Variants in EIF2B3 observed in about 807,000 individuals in gnomAD.
The protein encoded by EIF2B3 is eukaryotic translation initiation factor 2B subunit gamma.
Under a neutral mutation model 54.1 loss-of-function variants are expected in EIF2B3, and 20 were observed. The observed-to-expected ratio is 0.37, with a 90% CI of 0.26 to 0.54. The LOEUF (loss-of-function observed/expected upper bound fraction) is 0.54. EIF2B3 is among the 20% of genes least tolerant of loss of function. The probability of loss-of-function intolerance (pLI) is 0.86; values close to 1 mark genes in which losing one functional copy is unlikely to be tolerated. For synonymous variants in EIF2B3, 153 were observed against 188.1 expected, an observed-to-expected ratio of 0.81 and a Z score of 1.52; for missense variants, 448 against 547.8, an observed-to-expected ratio of 0.82 and a Z score of 1.82.
chr1:44,921,083 T>C (rs568521516), intron 5 of EIF2B3, among the ~76,000 whole-genome samples: 14 of 152,338 alleles, frequency 9.2e-5, no homozygotes, highest in African/African-American at 3.1e-4. Flanking sequence ...TAAAAGGCAT[T>C]TTACCTAAGG....
At chr1:44,887,989 A>G (rs1159621179) in intron 6 of EIF2B3, among the ~76,000 whole-genome samples, 1 of 152,226 alleles carries the variant, frequency 6.6e-6, no homozygotes, top group Non-Finnish European at 1.5e-5. Flanking sequence ...TTACTATCTG[A>G]CCCAAAAGAA....
Position 44,985,392 on chromosome 1 carries a change from T to C in EIF2B3, c.-10+1101A>G, listed in dbSNP as rs1020717980. Among the ~76,000 whole-genome samples, 3 of 80,312 alleles carry C rather than the reference T, an allele frequency of 3.7e-5. No individual in the cohort carries two copies. In the Admixed American group the frequency reaches 4.0e-4, roughly 11 times the overall value. 52.7% of individuals were successfully genotyped at this position (80,312 alleles called of 152,430 possible). A position where few individuals can be genotyped will look rare whatever the true frequency, so the allele number is the denominator to read the frequency against. On this transcript the variant is annotated intron_variant, in intron 1 of 11. Transcript: ENST00000360403. ...TGCTTCCATTCTGCCATGTGCAGAT[T>C]CTCTTAGCCTTTACGGGTTTCATTG...
At chr1:44,939,288 T>C (rs1012202582) in intron 4 of EIF2B3, among the ~76,000 whole-genome samples, 2 of 152,112 alleles carry the variant, frequency 1.3e-5, no homozygotes, top group African/African-American at 4.8e-5. Flanking sequence ...CTGCCTCCTA[T>C]ATTCACACTC....
chr1:44,984,795 A>AT (rs1557718636), intron 1 of EIF2B3, among the ~76,000 whole-genome samples: 1 of 80,470 alleles, frequency 1.2e-5, no homozygotes, highest in East Asian at 9.4e-4. Flanking sequence ...AATAATGTCC[A>AT]TCTTTTTTTT....
chr1:44,950,247 A>G (rs182961561), intron 3 of EIF2B3, among the ~76,000 whole-genome samples: 2 of 152,164 alleles, frequency 1.3e-5, no homozygotes, highest in Admixed American at 1.3e-4. Flanking sequence ...ACATAGCGAG[A>G]CCTTATCTCT....
chr1:44,959,231 C>A, intron 3 of EIF2B3: 3 of 697,566 alleles, frequency 4.3e-6, no homozygotes, highest in Non-Finnish European at 8.0e-6. Flanking sequence ...CTGTTTAAAT[C>A]AGGGTGATGG....
intron 3 of EIF2B3, among the ~76,000 whole-genome samples, chr1:44,967,425 C>T (rs539285257): frequency 1.3e-4 from 19 of 142,406 alleles, no homozygotes; most frequent in African/African-American, 4.8e-4. Context: ...CCAGCGTGGG[C>T]AACAGAGCGA....
chr1:44,912,763 C>T (rs1217172341), intron 5 of EIF2B3, among the ~76,000 whole-genome samples: 2 of 152,122 alleles, frequency 1.3e-5, no homozygotes, highest in East Asian at 3.8e-4. Context: ...ATCTGATATC[C>T]CTTGCTATTG....
intron 5 of EIF2B3, among the ~76,000 whole-genome samples, chr1:44,918,954 T>A (rs1643682244): frequency 6.6e-6 from 1 of 152,234 alleles, no homozygotes; most frequent in Admixed American, 6.5e-5. Flanking sequence ...TTTTATTCCC[T>A]CATGCTTCCA....
At chr1:44,956,203 T>C (rs1644223083) in intron 3 of EIF2B3, among the ~76,000 whole-genome samples, 1 of 152,218 alleles carries the variant, frequency 6.6e-6, no homozygotes, top group African/African-American at 2.4e-5. Context: ...GATGAGTTCA[T>C]GTCCTTTGCA....
intron 3 of EIF2B3, among the ~76,000 whole-genome samples, chr1:44,978,092 A>G (rs892367581): frequency 6.6e-6 from 1 of 152,150 alleles, no homozygotes. Flanking sequence ...TTAGCCAGGC[A>G]CGGTGGCGTA....
At chr1:44,927,779 T>G (rs536195903) in intron 4 of EIF2B3, among the ~76,000 whole-genome samples, 1 of 152,196 alleles carries the variant, frequency 6.6e-6, no homozygotes, top group Non-Finnish European at 1.5e-5. Flanking sequence ...AGGAAAATCA[T>G]ATCTGCAACT....
At chr1:44,886,148 C>T (rs747977588) in intron 6 of EIF2B3, among the ~76,000 whole-genome samples, 97 of 149,048 alleles carry the variant, frequency 6.5e-4, no homozygotes, top group Non-Finnish European at 1.8e-4. Flanking sequence ...GGCACGGTCT[C>T]GGTTCACTGC....
At chr1:44,924,218 G>C (rs1475845669) in intron 5 of EIF2B3, among the ~76,000 whole-genome samples, 1 of 152,042 alleles carries the variant, frequency 6.6e-6, no homozygotes, top group Non-Finnish European at 1.5e-5. Flanking sequence ...GGGATTACAG[G>C]CGTGAGCCAC....
chr1:44,946,883 T>A (rs528874977), intron 3 of EIF2B3, among the ~76,000 whole-genome samples: 1 of 152,118 alleles, frequency 6.6e-6, no homozygotes, highest in Non-Finnish European at 1.5e-5. Context: ...AGAGAGAAAG[T>A]AGAAAAACTG....
At chr1:44,879,388 TG>T (rs1655309638) in intron 8 of EIF2B3, among the ~76,000 whole-genome samples, 1 of 152,242 alleles carries the variant, frequency 6.6e-6, no homozygotes, top group South Asian at 2.1e-4. Context: ...CCTGAGGCTT[TG>T]CCATCTGGCC....
chr1:44,983,974 C>A (rs981687497), intron 1 of EIF2B3, among the ~76,000 whole-genome samples: 26 of 151,920 alleles, frequency 1.7e-4, no homozygotes, highest in African/African-American at 6.3e-4. Context: ...TCCTAAAGTG[C>A]TGGGATTTCA....
chr1:44,874,009 C>T (rs1176377581), intron 10 of EIF2B3, among the ~76,000 whole-genome samples: 5 of 150,112 alleles, frequency 3.3e-5, no homozygotes, highest in South Asian at 2.1e-4. Context: ...TTATACTTAC[C>T]GTTTCAGCAT....
chr1:44,917,366 G>A (rs1643643416), intron 5 of EIF2B3, among the ~76,000 whole-genome samples: 1 of 151,854 alleles, frequency 6.6e-6, no homozygotes, highest in South Asian at 2.1e-4. Flanking sequence ...AGTGGCTCAT[G>A]CCTATAATCC....
Sources: allele counts gnomAD v4.1 joint callset (sites outside exome capture counted in the v4.1 genomes callset), GRCh38; gene constraint gnomAD v4.1.1; transcripts MANE v1.5; gene names NCBI Gene and HGNC (gene_info 2026-07-23, HGNC 2026-07-21).